The following ADAMTS19 variants were observed in gnomAD, a reference collection of about 807,000 sequenced individuals.
ADAMTS19 encodes the protein A disintegrin and metalloproteinase with thrombospondin motifs 19.
ADAMTS19 carries 93 observed loss-of-function variants against 153.3 expected under a neutral mutation model. The observed-to-expected ratio is 0.61, with a 90% confidence interval of 0.51 to 0.72. ADAMTS19 has a LOEUF of 0.72. Among genes scored for constraint, ADAMTS19 ranks in the 30% least tolerant of loss-of-function variants. The pLI, the probability that ADAMTS19 is intolerant of heterozygous loss-of-function variation, is 0.00. For synonymous variants in ADAMTS19, 600 were observed against 556.6 expected, an observed-to-expected ratio of 1.08 and a Z score of -1.10; for missense variants, 1,482 against 1,552.1, an observed-to-expected ratio of 0.95 and a Z score of 0.76.
intron 7 of ADAMTS19, among the ~76,000 whole-genome samples, chr5:129,585,851 A>G (rs1451449395): frequency 6.6e-6 from 1 of 152,180 alleles, no homozygotes; most frequent in Non-Finnish European, 1.5e-5. Context: ...GACACCTGTC[A>G]GCTTTATTGT....
intron 7 of ADAMTS19, among the ~76,000 whole-genome samples, chr5:129,596,094 C>A (rs1338262009): frequency 2.0e-5 from 3 of 151,916 alleles, no homozygotes; most frequent in African/African-American, 7.2e-5. Flanking sequence ...AATAGAATTT[C>A]ACAATTGTAT....
intron 16 of ADAMTS19, among the ~76,000 whole-genome samples, chr5:129,676,052 TA>T (rs983907378): frequency 6.6e-6 from 1 of 151,516 alleles, no homozygotes; most frequent in Non-Finnish European, 1.5e-5. Flanking sequence ...ATAATAATAA[TA>T]AAAAAAAGCC....
chr5:129,705,063 T>C (rs191724231), intron 21 of ADAMTS19, among the ~76,000 whole-genome samples: 72 of 152,274 alleles, frequency 4.7e-4, no homozygotes, highest in African/African-American at 1.7e-3. Context: ...ATTCTGATCA[T>C]TTTGGGGTGA....
chr5:129,475,647 A>G (rs902934587), intron 2 of ADAMTS19, among the ~76,000 whole-genome samples: 2 of 152,184 alleles, frequency 1.3e-5, no homozygotes, highest in African/African-American at 2.4e-5. Context: ...AGCCTGGCCT[A>G]CATGGCGAAA....
chr5:129,698,802 A>G (rs1394047572), intron 19 of ADAMTS19, among the ~76,000 whole-genome samples: 1 of 152,242 alleles, frequency 6.6e-6, no homozygotes, highest in Non-Finnish European at 1.5e-5. Context: ...ATTCTTGTGC[A>G]GAAATATGAA....
chr5:129,573,355 C>T (rs940075955), intron 7 of ADAMTS19, among the ~76,000 whole-genome samples: 1 of 152,014 alleles, frequency 6.6e-6, no homozygotes, highest in African/African-American at 2.4e-5. Flanking sequence ...TTCTTCAGAA[C>T]TCTAAATAAA....
chr5:129,493,726 AAT>A (rs1209518470), intron 2 of ADAMTS19, among the ~76,000 whole-genome samples: 1 of 152,182 alleles, frequency 6.6e-6, no homozygotes, highest in Non-Finnish European at 1.5e-5. Context: ...ATAATTTATG[AAT>A]AGTTATTAAT....
At chr5:129,625,394 T>A (rs1280116168) in intron 10 of ADAMTS19, among the ~76,000 whole-genome samples, 1 of 152,208 alleles carries the variant, frequency 6.6e-6, no homozygotes, top group Admixed American at 6.5e-5. Flanking sequence ...TAGTTCTAGA[T>A]CCTTGAGGAA....
chr5:129,523,674 C>A (rs1308775713), intron 3 of ADAMTS19, among the ~76,000 whole-genome samples: 1 of 152,098 alleles, frequency 6.6e-6, no homozygotes, highest in African/African-American at 2.4e-5. Context: ...TGTTCAACTG[C>A]TGAAATTTCC....
At chr5:129,649,042 C>A in intron 13 of ADAMTS19, 72 bp downstream of exon 13, 1 of 1,380,806 alleles carries the variant, frequency 7.2e-7, no homozygotes, top group Non-Finnish European at 9.9e-7. Flanking sequence ...TTACAATAGT[C>A]AGATTATTTT....
chr5:129,562,066 T>G (rs1753544635), intron 7 of ADAMTS19, among the ~76,000 whole-genome samples: 1 of 152,220 alleles, frequency 6.6e-6, no homozygotes, highest in African/African-American at 2.4e-5. Context: ...TTGTTCATTT[T>G]TAGGCAAGTA....
At chr5:129,683,054 T>A (rs1424232720) in intron 17 of ADAMTS19, among the ~76,000 whole-genome samples, 1 of 152,086 alleles carries the variant, frequency 6.6e-6, no homozygotes, top group African/African-American at 2.4e-5. Flanking sequence ...ATCATAATTT[T>A]AAAATTTGGG....
At chr5:129,507,459 A>G (rs1309160526) in intron 2 of ADAMTS19, among the ~76,000 whole-genome samples, 1 of 152,006 alleles carries the variant, frequency 6.6e-6, no homozygotes. Context: ...ATTTGATGTA[A>G]TTACCTTAAA....
chr5:129,641,379 G>A (rs1204496777), intron 10 of ADAMTS19, among the ~76,000 whole-genome samples: 1 of 152,130 alleles, frequency 6.6e-6, no homozygotes, highest in Non-Finnish European at 1.5e-5. Flanking sequence ...ACTATATTGT[G>A]TCAGGGGTCA....
chr5:129,694,626 A>T, intron 18 of ADAMTS19, 94 bp from the exon 19 acceptor site: 1 of 936,714 alleles, frequency 1.1e-6, no homozygotes. Context: ...AAGTTTTTTA[A>T]ATAAAAAATA....
At chr5:129,630,926 A>G (rs1219858034) in intron 10 of ADAMTS19, among the ~76,000 whole-genome samples, 3 of 151,976 alleles carry the variant, frequency 2.0e-5, no homozygotes, top group African/African-American at 7.2e-5. Flanking sequence ...TCAACAGACA[A>G]TTCAGAAATG....
intron 2 of ADAMTS19, among the ~76,000 whole-genome samples, chr5:129,480,811 AAATGGATG>A (rs1451242000): frequency 6.6e-6 from 1 of 152,194 alleles, no homozygotes; most frequent in African/African-American, 2.4e-5. Flanking sequence ...ATATTCCGCA[AAATGGATG>A]AATGATGGAA....
At chr5:129,542,707 T>G (rs2126802055) in intron 6 of ADAMTS19, among the ~76,000 whole-genome samples, 1 of 152,292 alleles carries the variant, frequency 6.6e-6, no homozygotes, top group Middle Eastern at 3.4e-3. Context: ...TCCCTCTAAT[T>G]TTGGTACATA....
At chr5:129,589,814 T>C (rs939565498) in intron 7 of ADAMTS19, among the ~76,000 whole-genome samples, 2 of 152,288 alleles carry the variant, frequency 1.3e-5, no homozygotes, top group Admixed American at 1.3e-4. Context: ...GTTTCCCCTT[T>C]GAGAACTTCA....
Sources: allele counts gnomAD v4.1 joint callset (sites outside exome capture counted in the v4.1 genomes callset), GRCh38; gene constraint gnomAD v4.1.1; transcripts MANE v1.5; gene names NCBI Gene and HGNC (gene_info 2026-07-23, HGNC 2026-07-21).